The following EYS variants were observed in gnomAD, a reference collection of about 807,000 sequenced individuals.
EYS encodes EGF-like photoreceptor maintenance factor, also known as protein eyes shut homolog.
A neutral mutation model predicts 282.1 loss-of-function variants in EYS; 250 were observed. The observed-to-expected ratio is 0.89, with a 90% CI of 0.80 to 0.98. The LOEUF is 0.98. EYS is among the 50% of genes least tolerant of loss of function. The pLI is 0.00. For missense variants in EYS, 4,016 were observed against 3,709.0 expected (o/e 1.08, Z -2.15); for synonymous variants, 1,355 against 1,282.9 (o/e 1.06, Z -1.20).
intron 12 of EYS, among the ~76,000 whole-genome samples, chr6:65,084,406 T>A (rs1441465716): frequency 2.0e-5 from 3 of 152,172 alleles, no homozygotes; most frequent in Admixed American, 2.0e-4. Context: ...GTTAAATATC[T>A]GTTTCACTCA....
chr6:65,015,684 ATTAGTTTT>A (rs1772022179), intron 13 of EYS, among the ~76,000 whole-genome samples: 1 of 151,976 alleles, frequency 6.6e-6, no homozygotes, highest in Admixed American at 6.6e-5. Flanking sequence ...CCTGTTTTTT[ATTAGTTTT>A]TTACAATGAT....
intron 8 of EYS, among the ~76,000 whole-genome samples, chr6:65,382,462 T>TGTGTGA (rs1765651949): frequency 1.1e-5 from 1 of 88,066 alleles, no homozygotes; most frequent in Non-Finnish European, 2.6e-5. Context: ...TTCCTCTGTG[T>TGTGTGA]GTGTGTGTGT....
intron 8 of EYS, among the ~76,000 whole-genome samples, chr6:65,383,991 T>C (rs1321889755): frequency 2.0e-5 from 3 of 151,864 alleles, no homozygotes; most frequent in Non-Finnish European, 4.4e-5. Flanking sequence ...ACATTTTGTA[T>C]TTGTAAAGTA....
chr6:64,459,989 G>A (rs1000066225), intron 26 of EYS, among the ~76,000 whole-genome samples: 1 of 151,098 alleles, frequency 6.6e-6, no homozygotes, highest in Non-Finnish European at 1.5e-5. Flanking sequence ...AGTGACTCGG[G>A]ATTTTTCTGT....
At chr6:64,319,653 ATG>A (rs1307634710) in intron 29 of EYS, among the ~76,000 whole-genome samples, 3 of 151,434 alleles carry the variant, frequency 2.0e-5, no homozygotes, top group Non-Finnish European at 3.0e-5. Context: ...GTGTGTGTGT[ATG>A]TGTGTGTGTC....
At chr6:64,140,746 C>G (rs1399374481) in intron 31 of EYS, among the ~76,000 whole-genome samples, 1 of 152,160 alleles carries the variant, frequency 6.6e-6, no homozygotes, top group Non-Finnish European at 1.5e-5. Context: ...GCCTTCTCCC[C>G]TTAGGCACTG....
At chr6:65,291,158 A>G (rs953228335) in intron 12 of EYS, among the ~76,000 whole-genome samples, 4 of 151,600 alleles carry the variant, frequency 2.6e-5, no homozygotes, top group African/African-American at 4.8e-5. Flanking sequence ...CTTCTCAGGA[A>G]AACATGGTTA....
intron 41 of EYS, among the ~76,000 whole-genome samples, chr6:63,729,730 T>G (rs868257561): frequency 1.8e-4 from 28 of 152,154 alleles, no homozygotes; most frequent in African/African-American, 6.5e-4. Context: ...TTCAGTTGTA[T>G]TCCATTTCTC....
At chr6:64,011,184 G>C (rs927667612) in intron 33 of EYS, among the ~76,000 whole-genome samples, 1 of 151,956 alleles carries the variant, frequency 6.6e-6, no homozygotes, top group African/African-American at 2.4e-5. Context: ...AGATATGTTT[G>C]TCTTGTTTTT....
At chr6:65,402,242 A>G (rs1346900853) in intron 7 of EYS, among the ~76,000 whole-genome samples, 1 of 151,878 alleles carries the variant, frequency 6.6e-6, no homozygotes, top group African/African-American at 2.4e-5. Context: ...ATTTTTTAAT[A>G]ACCGTATACC....
chr6:63,782,947 G>A (rs956964339), intron 39 of EYS, among the ~76,000 whole-genome samples: 1 of 148,556 alleles, frequency 6.7e-6, no homozygotes, highest in Non-Finnish European at 1.5e-5. Flanking sequence ...TTAAACTGCA[G>A]TATAGCTTTT....
chr6:63,859,199 C>T (rs1772474642), intron 36 of EYS, among the ~76,000 whole-genome samples: 1 of 147,344 alleles, frequency 6.8e-6, no homozygotes, highest in African/African-American at 2.5e-5. Flanking sequence ...CTTTGACCAC[C>T]CTTAAAAAAC....
intron 19 of EYS, among the ~76,000 whole-genome samples, chr6:64,867,158 T>C (rs538463910): frequency 1.1e-4 from 17 of 151,900 alleles, no homozygotes; most frequent in South Asian, 1.0e-3. Context: ...AGACCATGTG[T>C]CTTATTTTAT....
At chr6:64,072,133 C>T (rs1367183499) in intron 32 of EYS, among the ~76,000 whole-genome samples, 1 of 151,964 alleles carries the variant, frequency 6.6e-6, no homozygotes, top group East Asian at 1.9e-4. Flanking sequence ...GTCAATATTG[C>T]AGAAGTAAGG....
At chr6:65,392,673 C>T (rs1429823737) in intron 7 of EYS, among the ~76,000 whole-genome samples, 1 of 152,048 alleles carries the variant, frequency 6.6e-6, no homozygotes, top group Non-Finnish European at 1.5e-5. Context: ...CAGGAAACAA[C>T]AGGTAATGGA....
chr6:63,892,537 C>G (rs545764678), intron 35 of EYS, among the ~76,000 whole-genome samples: 3 of 152,150 alleles, frequency 2.0e-5, no homozygotes, highest in Admixed American at 6.5e-5. Flanking sequence ...ATGCAGAAAA[C>G]TGAAACTGGA....
At chr6:63,937,165 C>T (rs756657948) in intron 35 of EYS, among the ~76,000 whole-genome samples, 18 of 151,816 alleles carry the variant, frequency 1.2e-4, no homozygotes, top group Non-Finnish European at 1.8e-4. Context: ...AAATGGGAAT[C>T]GGATATAGTC....
At chr6:64,265,897 C>T (rs890297869) in intron 30 of EYS, among the ~76,000 whole-genome samples, 1 of 152,054 alleles carries the variant, frequency 6.6e-6, no homozygotes, top group Non-Finnish European at 1.5e-5. Flanking sequence ...AAAATTATGA[C>T]CATATCTTTG....
chr6:65,049,047 G>A (rs180863977), intron 13 of EYS, among the ~76,000 whole-genome samples: 6 of 151,842 alleles, frequency 4.0e-5, no homozygotes, highest in Admixed American at 3.3e-4. Context: ...CTTCGCTATA[G>A]TAACCATTTT....
Sources: gnomAD v4.1 joint callset for allele counts (sites outside exome capture counted in the v4.1 genomes callset) on GRCh38, gnomAD v4.1.1 for gene constraint, MANE v1.5 for transcripts, NCBI Gene and HGNC (gene_info 2026-07-23, HGNC 2026-07-21) for gene names.